The following SCAPER variants were observed in gnomAD, a reference collection of about 807,000 sequenced individuals.
SCAPER encodes S phase cyclin A-associated protein in the endoplasmic reticulum.
Under a neutral mutation model 182.2 loss-of-function variants are expected in SCAPER, and 98 were observed. That is an observed-to-expected ratio of 0.54 (90% CI 0.46 to 0.64). SCAPER has a LOEUF of 0.64. Ranked by LOEUF, SCAPER falls within the 30% of genes least tolerant of loss-of-function variation. The pLI, the probability that SCAPER is intolerant of heterozygous loss-of-function variation, is 0.00. For synonymous variants in SCAPER, 605 were observed against 564.6 expected, an observed-to-expected ratio of 1.07 and a Z score of -1.01; for missense variants, 1,432 against 1,690.0, an observed-to-expected ratio of 0.85 and a Z score of 2.68.
At chr15:76,772,741 A>C (rs2063538852) in intron 9 of SCAPER, among the ~76,000 whole-genome samples, 1 of 151,976 alleles carries the variant, frequency 6.6e-6, no homozygotes, top group East Asian at 1.9e-4. Context: ...CTTCCAATTT[A>C]GCAGAGTCAA....
rs2059045882 is a variant in SCAPER, at chr15:76,703,009, A to G, written c.2248-7T>C. The G allele has an allele frequency of 6.5e-7, 1 of 1,532,940 alleles. No individual in the cohort carries two copies. The highest frequency in any genetic ancestry group is 2.5e-5 in the East Asian group (1 of 40,762). The allele number at this position is 1,532,940 out of a possible 1,614,324, so 95.0% of individuals were successfully genotyped here. A position where few individuals can be genotyped will look rare whatever the true frequency, so the allele number is the denominator to read the frequency against. On this transcript the variant is annotated splice_region_variant and splice_polypyrimidine_tract_variant and intron_variant, in intron 18 of 31. Coordinates refer to ENST00000563290, the MANE Select transcript of SCAPER (RefSeq NM_020843.4). Reference sequence around the variant, plus strand: ...TTCGAATACTTTCATCATGCTGTAGATGAAGTCAAAGTGCAAGAATTTCAA... The same window carrying G: ...TTCGAATACTTTCATCATGCTGTAGGTGAAGTCAAAGTGCAAGAATTTCAA...
intron 7 of SCAPER, among the ~76,000 whole-genome samples, chr15:76,798,042 A>T (rs2065459939): frequency 6.6e-6 from 1 of 152,170 alleles, no homozygotes; most frequent in Non-Finnish European, 1.5e-5. Flanking sequence ...AAAGACTTTA[A>T]ATCAGCTATT....
intron 21 of SCAPER, among the ~76,000 whole-genome samples, chr15:76,647,244 A>G (rs112957340): frequency 3.3e-5 from 5 of 152,240 alleles, no homozygotes; most frequent in African/African-American, 9.6e-5. Flanking sequence ...TAAAAAATTA[A>G]GTTGGGAAAA....
Position 76,862,468 on chromosome 15 carries a change from T to G in SCAPER, c.72A>C (p.Thr24=). ...CACTCCAAGCTATTAGGTTTCTTGC[T>G]GTACGACCCTCCTCTGCAACTATTC... ...VRRIVAEEGR[T]ARNLIAWSVP... is the part of the protein sequence containing the mutation. The change falls in exon 3 of 32, where the codon ACA becomes ACC. Residue 24 remains threonine, a synonymous_variant. Coordinates refer to ENST00000563290, the MANE Select transcript of SCAPER (RefSeq NM_020843.4). 1 of 1,613,518 alleles carries G rather than the reference T, an allele frequency of 6.2e-7. No homozygotes were observed.
rs558480771 is a variant in SCAPER at position 76,854,735 on chromosome 15, G to A, written c.195+3074C>T. On this transcript the variant is annotated intron_variant, in intron 4 of 31. Transcript: ENST00000563290. ...AGCACTTTGGGAGGCCAAGGCAGGT[G>A]GATCATGAGGTCAGAAGATCAAGAC... Among the ~76,000 whole-genome samples, 3 of 150,518 alleles carry A rather than the reference G, an allele frequency of 2.0e-5. No homozygotes were observed. In the South Asian group the frequency reaches 6.3e-4, roughly 32 times the overall value.
chr15:76,765,693 T>C, intron 11 of SCAPER, 55 bp from the exon 12 acceptor site: 2 of 1,369,366 alleles, frequency 1.5e-6, no homozygotes, highest in South Asian at 1.2e-5. Context: ...ATTACAACTT[T>C]AGAAAATGAA....
intron 27 of SCAPER, among the ~76,000 whole-genome samples, chr15:76,383,851 T>C (rs978941218): frequency 1.3e-5 from 2 of 152,222 alleles, no homozygotes; most frequent in Non-Finnish European, 2.9e-5. Flanking sequence ...ATTAAGTAAA[T>C]ACTGTTAAGA....
intron 28 of SCAPER, among the ~76,000 whole-genome samples, chr15:76,376,681 C>T (rs1023013887): frequency 1.3e-5 from 2 of 152,094 alleles, no homozygotes; most frequent in African/African-American, 4.8e-5. Context: ...TGTAAATCTA[C>T]CATTTAGCTA....
At chr15:76,624,093 A>G (rs2052353749) in intron 21 of SCAPER, among the ~76,000 whole-genome samples, 1 of 152,224 alleles carries the variant, frequency 6.6e-6, no homozygotes, top group Admixed American at 6.5e-5. Context: ...AAACAGGAAA[A>G]TAAGTCAAAT....
At chr15:76,467,773 T>C (rs1235873148) in intron 25 of SCAPER, among the ~76,000 whole-genome samples, 1 of 152,160 alleles carries the variant, frequency 6.6e-6, no homozygotes, top group African/African-American at 2.4e-5. Flanking sequence ...AACTGTGTGC[T>C]TCTAGAGTGA....
intron 24 of SCAPER, among the ~76,000 whole-genome samples, chr15:76,487,879 C>T (rs943034121): frequency 1.3e-5 from 2 of 152,106 alleles, no homozygotes; most frequent in African/African-American, 4.8e-5. Context: ...AGAGTCATTT[C>T]CTGCTGCATA....
At chr15:76,894,315 G>A (rs2074314048) in intron 1 of SCAPER, among the ~76,000 whole-genome samples, 1 of 152,174 alleles carries the variant, frequency 6.6e-6, no homozygotes, top group South Asian at 2.1e-4. Context: ...ATCTCAGCTA[G>A]TCAGGAGACT....
intron 8 of SCAPER, among the ~76,000 whole-genome samples, chr15:76,782,031 C>T (rs1303184264): frequency 6.6e-6 from 1 of 152,142 alleles, no homozygotes; most frequent in Non-Finnish European, 1.5e-5. Context: ...CAAATTCACA[C>T]ATAATAATAT....
chr15:76,403,399 C>T (rs2044605757), intron 27 of SCAPER, among the ~76,000 whole-genome samples: 1 of 152,140 alleles, frequency 6.6e-6, no homozygotes, highest in Non-Finnish European at 1.5e-5. Context: ...GCTTGGCTTC[C>T]CTGACTTCTC....
intron 23 of SCAPER, among the ~76,000 whole-genome samples, chr15:76,529,040 T>C (rs1482146323): frequency 6.6e-6 from 1 of 152,246 alleles, no homozygotes; most frequent in Non-Finnish European, 1.5e-5. Context: ...TGTGCTCTTA[T>C]AGAACTTTGT....
At chr15:76,458,729 C>T (rs1003584057) in intron 25 of SCAPER, among the ~76,000 whole-genome samples, 2 of 152,066 alleles carry the variant, frequency 1.3e-5, no homozygotes, top group East Asian at 1.9e-4. Flanking sequence ...TTGTAAACTA[C>T]GGTCACCCTG....
rs200507834 is a variant in SCAPER, at chr15:76,606,775, C to A, written c.2711+14989G>T. On this transcript the variant is annotated intron_variant, in intron 22 of 31. Transcript: ENST00000563290. Reference sequence around the variant, plus strand: ...GATCCCTTTACCATTATGTAATGGCCTTCTTTGTCTCTTTTGATCTTTGTT... The same window carrying A: ...GATCCCTTTACCATTATGTAATGGCATTCTTTGTCTCTTTTGATCTTTGTT... Among the ~76,000 whole-genome samples the A allele has an allele frequency of 4.0e-5, 6 of 151,754 alleles. No homozygotes were observed. The East Asian group carries it at 1.2e-3, about 29-fold the overall frequency.
rs190966857 is a variant in SCAPER, at chr15:76,893,088, G to A, written c.-59-9212C>T. Reference sequence around the variant, plus strand: ...TCACAAGGACAGAAAACCAAACATCGCATGTTCTCACTCATCCTTGGGATG... The same window carrying A: ...TCACAAGGACAGAAAACCAAACATCACATGTTCTCACTCATCCTTGGGATG... On this transcript the variant is annotated intron_variant, in intron 1 of 31. Coordinates refer to ENST00000563290, the MANE Select transcript of SCAPER (RefSeq NM_020843.4). Among the ~76,000 whole-genome samples the A allele has an allele frequency of 8.6e-4, 131 of 152,254 alleles. 1 individual carries two copies. The highest frequency in any genetic ancestry group is 2.8e-3 in the African/African-American group (115 of 41,550).
intron 7 of SCAPER, among the ~76,000 whole-genome samples, chr15:76,799,660 A>G (rs2065607056): frequency 6.6e-6 from 1 of 152,168 alleles, no homozygotes; most frequent in Non-Finnish European, 1.5e-5. Context: ...CGTACCAAGA[A>G]TGCAACATCT....
Sources: gnomAD v4.1 joint callset for allele counts (sites outside exome capture counted in the v4.1 genomes callset) on GRCh38, gnomAD v4.1.1 for gene constraint, MANE v1.5 for transcripts, NCBI Gene and HGNC (gene_info 2026-07-23, HGNC 2026-07-21) for gene names.